CNTNAP5: variants seen among roughly 807,000 people sequenced by gnomAD.
CNTNAP5 encodes the protein contactin-associated protein-like 5.
Under a neutral mutation model 150.2 loss-of-function variants are expected in CNTNAP5, and 72 were observed. The observed-to-expected ratio is 0.48, with a 90% CI of 0.40 to 0.58. CNTNAP5 has a LOEUF of 0.58. Ranked by LOEUF, CNTNAP5 falls within the 20% of genes least tolerant of loss-of-function variation. The pLI is 0.00. For synonymous variants in CNTNAP5, 672 were observed against 619.8 expected (o/e 1.08, Z -1.25); for missense variants, 1,636 against 1,626.2 (o/e 1.01, Z -0.10).
chr2:124,693,720 G>A (rs1042705241), intron 13 of CNTNAP5, among the ~76,000 whole-genome samples: 3 of 151,824 alleles, frequency 2.0e-5, no homozygotes, highest in Non-Finnish European at 4.4e-5. Flanking sequence ...TCGCAGGCAT[G>A]GGCCAGTTTA....
At chr2:124,710,747 C>A (rs866762499) in intron 13 of CNTNAP5, among the ~76,000 whole-genome samples, 3 of 152,278 alleles carry the variant, frequency 2.0e-5, no homozygotes, top group South Asian at 4.1e-4. Context: ...GTTTTCAGAG[C>A]AATCCAGGAT....
chr2:124,547,176 G>C (rs1695531392), intron 10 of CNTNAP5, among the ~76,000 whole-genome samples: 1 of 152,070 alleles, frequency 6.6e-6, no homozygotes, highest in Non-Finnish European at 1.5e-5. Context: ...AGATTCCCTG[G>C]CAGGCTTTGG....
At chr2:124,057,938 A>T (rs1401979288) in intron 1 of CNTNAP5, among the ~76,000 whole-genome samples, 1 of 152,160 alleles carries the variant, frequency 6.6e-6, no homozygotes, top group Non-Finnish European at 1.5e-5. Context: ...TATCTCATAT[A>T]ACCCGTAAAT....
At chr2:124,144,142 A>G (rs1325324501) in intron 1 of CNTNAP5, among the ~76,000 whole-genome samples, 2 of 74,616 alleles carry the variant, frequency 2.7e-5, no homozygotes, top group Admixed American at 1.7e-4. Flanking sequence ...GAAATAAAAG[A>G]GGACACAAAC....
intron 13 of CNTNAP5, among the ~76,000 whole-genome samples, chr2:124,744,536 T>C (rs1680565770): frequency 6.6e-6 from 1 of 152,238 alleles, no homozygotes; most frequent in African/African-American, 2.4e-5. Context: ...ATGTTTTGTT[T>C]GTTTCTTTAT....
chr2:124,920,299 T>C lies in CNTNAP5; in HGVS notation c.*6011T>C, dbSNP rs79173785. 0.031 allele frequency among the ~76,000 whole-genome samples: 4,793 copies of C among 152,220 alleles called. 277 individuals are homozygous for C. The highest frequency in any genetic ancestry group is 0.11 in the African/African-American group (4,494 of 41,544). On this transcript the variant is annotated 3_prime_UTR_variant, in exon 24 of 24. Coordinates refer to ENST00000682447, the MANE Select transcript of CNTNAP5 (RefSeq NM_001367498.1). ...ATATGAAACAGGAATAATGCATTCC[T>C]CTACAGACTCTTTGAAAGGCTTTCT... is the stretch of plus-strand genomic sequence containing the variant.
At chr2:124,624,421 C>A (rs1677677626) in intron 12 of CNTNAP5, among the ~76,000 whole-genome samples, 1 of 152,174 alleles carries the variant, frequency 6.6e-6, no homozygotes, top group African/African-American at 2.4e-5. Context: ...TTGCTGCTTT[C>A]TTGAATTCCT....
chr2:124,169,306 T>C (rs1269594112), intron 1 of CNTNAP5, among the ~76,000 whole-genome samples: 1 of 152,110 alleles, frequency 6.6e-6, no homozygotes, highest in East Asian at 1.9e-4. Context: ...GCTTTGATGA[T>C]GCTCTGCGCA....
At chr2:124,119,326 C>T (rs559989555) in intron 1 of CNTNAP5, among the ~76,000 whole-genome samples, 36 of 136,668 alleles carry the variant, frequency 2.6e-4, no homozygotes, top group African/African-American at 8.9e-4. Context: ...CTCTTTTTTT[C>T]TCTTTTTAGA....
At chr2:124,394,436 A>G (rs1047420853) in intron 3 of CNTNAP5, among the ~76,000 whole-genome samples, 3 of 152,096 alleles carry the variant, frequency 2.0e-5, no homozygotes, top group Non-Finnish European at 4.4e-5. Flanking sequence ...AATGCAGAGC[A>G]TGAAAAGAGG....
chr2:124,871,847 A>G (rs1677755213), intron 21 of CNTNAP5, among the ~76,000 whole-genome samples: 1 of 151,992 alleles, frequency 6.6e-6, no homozygotes. Flanking sequence ...ATATGTATCT[A>G]TGTATCCAGT....
At position 124,385,981 on chromosome 2, in the gene CNTNAP5, G is replaced by A. The variant is rs184627082; in HGVS notation, c.382-31462G>A. On this transcript the variant is annotated intron_variant, in intron 3 of 23. Coordinates refer to ENST00000682447, the MANE Select transcript of CNTNAP5 (RefSeq NM_001367498.1). ...TATGTATCTCCATAATGTTGAGCAC[G>A]TAGACAACATCGATGTTTGTTGAAT... Among the ~76,000 whole-genome samples, 15 of 150,790 alleles carry A rather than the reference G, an allele frequency of 9.9e-5. No homozygotes were observed. In the East Asian group the frequency reaches 1.6e-3, roughly 17 times the overall value.
intron 3 of CNTNAP5, among the ~76,000 whole-genome samples, chr2:124,378,465 T>G (rs900074871): frequency 1.3e-5 from 2 of 152,172 alleles, no homozygotes; most frequent in African/African-American, 4.8e-5. Context: ...TAATTACATA[T>G]TATCAATGTA....
chr2:124,597,871 C>A (rs1263949754), intron 11 of CNTNAP5, among the ~76,000 whole-genome samples: 1 of 143,794 alleles, frequency 7.0e-6, no homozygotes, highest in East Asian at 2.2e-4. Context: ...CTAAACTTCC[C>A]TTCTTGCTTC....
intron 13 of CNTNAP5, among the ~76,000 whole-genome samples, chr2:124,654,167 C>T (rs1255879975): frequency 1.3e-5 from 2 of 151,934 alleles, no homozygotes; most frequent in Non-Finnish European, 2.9e-5. Flanking sequence ...AGAGGAGGAG[C>T]AAGGGTGGGA....
chr2:124,100,170 G>A (rs13002983), intron 1 of CNTNAP5, among the ~76,000 whole-genome samples: 59,163 of 151,898 alleles, frequency 0.39, 12,218 homozygotes, highest in East Asian at 0.51. Context: ...CATGGCAAAA[G>A]CAGGGATACG....
intron 4 of CNTNAP5, among the ~76,000 whole-genome samples, chr2:124,425,576 T>C (rs1436016646): frequency 6.6e-6 from 1 of 152,216 alleles, no homozygotes; most frequent in East Asian, 1.9e-4. Flanking sequence ...CACTATCTTC[T>C]CACTGCCCAC....
At chr2:124,701,631 T>C (rs563247100) in intron 13 of CNTNAP5, among the ~76,000 whole-genome samples, 1 of 152,228 alleles carries the variant, frequency 6.6e-6, no homozygotes, top group East Asian at 1.9e-4. Context: ...TACATTCCTG[T>C]GAACAAGGTA....
chr2:124,304,688 C>T (rs1688639435), intron 3 of CNTNAP5, among the ~76,000 whole-genome samples: 1 of 152,210 alleles, frequency 6.6e-6, no homozygotes, highest in East Asian at 1.9e-4. Context: ...AACTAGTAGC[C>T]ATCAACAAGG....
Sources: gnomAD v4.1 joint callset for allele counts (sites outside exome capture counted in the v4.1 genomes callset) on GRCh38, gnomAD v4.1.1 for gene constraint, MANE v1.5 for transcripts, NCBI Gene and HGNC (gene_info 2026-07-23, HGNC 2026-07-21) for gene names.